CDON: variants seen among roughly 807,000 people sequenced by gnomAD.
CDON encodes cell adhesion molecule-related/down-regulated by oncogenes.
CDON carries 73 observed loss-of-function variants against 120.9 expected under a neutral mutation model. The ratio of observed to expected loss-of-function variants is 0.60; its 90% CI spans 0.50 to 0.73. The LOEUF (loss-of-function observed/expected upper bound fraction) is 0.73, where lower values mean the gene tolerates loss of function less well. Among genes scored for constraint, CDON ranks in the 30% least tolerant of loss-of-function variants. CDON has a pLI of 0.00. For synonymous variants in CDON, 566 were observed against 573.5 expected, an observed-to-expected ratio of 0.99 and a Z score of 0.19; for missense variants, 1,470 against 1,587.3, an observed-to-expected ratio of 0.93 and a Z score of 1.26.
intron 1 of CDON, among the ~76,000 whole-genome samples, chr11:126,041,272 A>C (rs1031260983): frequency 1.1e-4 from 17 of 152,170 alleles, no homozygotes; most frequent in African/African-American, 3.6e-4. Context: ...ACCACAAACA[A>C]CACCAAAGGC....
rs560064498 is a variant in CDON, at chr11:126,030,532, A to C, written c.-61-6995T>G. Among the ~76,000 whole-genome samples, 4 of 152,308 alleles carry C rather than the reference A, an allele frequency of 2.6e-5. No individual in the cohort carries two copies. The South Asian group carries it at 8.3e-4, about 32-fold the overall frequency. On this transcript the variant is annotated intron_variant, in intron 1 of 19. Transcript: ENST00000531738. ...AGTTCTTCAAAATAGGAAATTATTT[A>C]AGTTAGATTCCGTTTTTTAAAAAGA... is the stretch of plus-strand genomic sequence containing the variant.
intron 15 of CDON, among the ~76,000 whole-genome samples, chr11:125,986,454 G>C (rs2134473170): frequency 6.6e-6 from 1 of 152,120 alleles, no homozygotes; most frequent in East Asian, 1.9e-4. Flanking sequence ...GGAAAAACCA[G>C]GAAAGAAAAT....
intron 10 of CDON, among the ~76,000 whole-genome samples, chr11:126,003,630 C>T (rs775685721): frequency 1.3e-5 from 2 of 152,052 alleles, no homozygotes; most frequent in Non-Finnish European, 2.9e-5. Context: ...ACCATCCTGG[C>T]TAACACTGTG....
chr11:126,018,541 C>T, intron 4 of CDON, 68 bp from the exon 5 acceptor site: 2 of 1,330,076 alleles, frequency 1.5e-6, no homozygotes, highest in Non-Finnish European at 2.2e-6. Context: ...AACTAAAACT[C>T]ACAAAGGCTG....
At chr11:126,021,622 AG>A in intron 2 of CDON, 102 bp from the exon 3 acceptor site, 1 of 1,029,412 alleles carries the variant, frequency 9.7e-7, no homozygotes, top group South Asian at 1.5e-5. Flanking sequence ...TTATAACTAA[AG>A]GCAATCTTTT....
intron 15 of CDON, among the ~76,000 whole-genome samples, chr11:125,987,696 G>T (rs1946509273): frequency 6.6e-6 from 1 of 152,050 alleles, no homozygotes; most frequent in African/African-American, 2.4e-5. Flanking sequence ...GTTTTGTCTG[G>T]CTAGATTCTT....
rs544985377 is a variant in CDON, at chr11:125,993,723, G to A, written c.2650+561C>T. Among the ~76,000 whole-genome samples, 13 of 152,030 alleles carry A rather than the reference G, an allele frequency of 8.6e-5. No homozygotes were observed. The East Asian group carries it at 1.3e-3, about 16-fold the overall frequency. ...CCAGAAAGGGAGAGATGCAAGAGACGTGGTGTAGGCAGGGGCCAGCCAGGT... is the reference window on the plus strand; with the variant it reads ...CCAGAAAGGGAGAGATGCAAGAGACATGGTGTAGGCAGGGGCCAGCCAGGT... On this transcript the variant is annotated intron_variant, in intron 14 of 19. Coordinates refer to ENST00000531738, the MANE Select transcript of CDON (RefSeq NM_001378964.1).
chr11:125,978,288 C>G lies in CDON; in HGVS notation c.3356+16G>C. On this transcript the variant is annotated intron_variant, in intron 18 of 19. Coordinates refer to ENST00000531738, the MANE Select transcript of CDON (RefSeq NM_001378964.1). The stretch of plus-strand genomic sequence containing the variant: ...CCTTATTCACAACAGCTTGTGCAGA[C>G]ACATTATTAACATACCTATTGTTGT... The G allele has an allele frequency of 6.8e-7, 1 of 1,465,774 alleles. No homozygotes were observed. The allele number at this position is 1,465,774 out of a possible 1,614,324, so 90.8% of individuals were successfully genotyped here.
At chr11:125,969,450 A>G (rs1269112567) in intron 18 of CDON, among the ~76,000 whole-genome samples, 1 of 152,266 alleles carries the variant, frequency 6.6e-6, no homozygotes, top group South Asian at 2.1e-4. Context: ...AACATATGAC[A>G]TTCAATAAAA....
At chr11:125,973,935 G>A (rs930092966) in intron 18 of CDON, among the ~76,000 whole-genome samples, 58 of 150,630 alleles carry the variant, frequency 3.9e-4, no homozygotes, top group African/African-American at 1.3e-3. Context: ...CGCTCTTGTT[G>A]CCCAGCCTGG....
chr11:126,045,124 C>A (rs1211559155), intron 1 of CDON, among the ~76,000 whole-genome samples: 2 of 152,174 alleles, frequency 1.3e-5, no homozygotes, highest in Non-Finnish European at 2.9e-5. Context: ...CTCCAGGGTG[C>A]AAGCGATTCT....
intron 17 of CDON, 51 bp from the exon 18 acceptor site, chr11:125,978,434 G>A: frequency 8.6e-7 from 1 of 1,157,840 alleles, no homozygotes; most frequent in Non-Finnish European, 1.3e-6. Context: ...GAATGCTGAA[G>A]GTACTCACAG....
chr11:126,005,344 GAA>G, intron 9 of CDON: 1 of 191,920 alleles, frequency 5.2e-6, no homozygotes. Flanking sequence ...AAAAAAACTT[GAA>G]ATGCAAACAA....
chr11:125,998,261 C>T (rs1946844748), intron 11 of CDON, among the ~76,000 whole-genome samples: 1 of 152,114 alleles, frequency 6.6e-6, no homozygotes, highest in African/African-American at 2.4e-5. Context: ...CTTATTCCCT[C>T]CAAATCTCAT....
intron 1 of CDON, among the ~76,000 whole-genome samples, chr11:126,059,007 T>TATA (rs552977864): frequency 1.3e-5 from 2 of 152,192 alleles, no homozygotes; most frequent in African/African-American, 2.4e-5. Flanking sequence ...ATTAGAATTC[T>TATA]ATAATAATAA....
intron 1 of CDON, among the ~76,000 whole-genome samples, chr11:126,032,901 G>C (rs902007122): frequency 6.6e-6 from 1 of 152,140 alleles, no homozygotes; most frequent in Admixed American, 6.5e-5. Flanking sequence ...CCAGCTACTT[G>C]GGAGGATGAG....
intron 18 of CDON, among the ~76,000 whole-genome samples, chr11:125,977,397 C>T (rs779212634): frequency 6.6e-6 from 1 of 152,196 alleles, no homozygotes; most frequent in Non-Finnish European, 1.5e-5. Flanking sequence ...GTTTCAATAA[C>T]TCCCAGAGAC....
Position 125,989,765 on chromosome 11 carries a change from A to G in CDON, c.2651-6T>C, listed in dbSNP as rs1285691309. The G allele has an allele frequency of 6.2e-7, 1 of 1,611,828 alleles. No individual in the cohort carries two copies. The highest frequency in any genetic ancestry group is 1.3e-5 in the African/African-American group (1 of 74,990). ...CATGTGCCACTGCTTTGAACCTAAAAGGAAAAATAAAAGGCTTTACACATC... is the reference window on the plus strand; with the variant it reads ...CATGTGCCACTGCTTTGAACCTAAAGGGAAAAATAAAAGGCTTTACACATC... On this transcript the variant is annotated splice_polypyrimidine_tract_variant and splice_region_variant and intron_variant, in intron 14 of 19. Coordinates refer to ENST00000531738, the MANE Select transcript of CDON (RefSeq NM_001378964.1).
At chr11:126,031,552 A>G (rs1296589719) in intron 1 of CDON, among the ~76,000 whole-genome samples, 1 of 152,146 alleles carries the variant, frequency 6.6e-6, no homozygotes, top group African/African-American at 2.4e-5. Context: ...GACCTCAAAC[A>G]TTGTGCTTTG....
Sources: allele counts gnomAD v4.1 joint callset (sites outside exome capture counted in the v4.1 genomes callset), GRCh38; gene constraint gnomAD v4.1.1; transcripts MANE v1.5; gene names NCBI Gene and HGNC (gene_info 2026-07-23, HGNC 2026-07-21).